The following DAG1 variants were observed in gnomAD, a reference collection of about 807,000 sequenced individuals.
DAG1 encodes the protein dystroglycan 1, also known as dystroglycan 1 (dystrophin-associated glycoprotein 1).
Under a neutral mutation model 46.1 loss-of-function variants are expected in DAG1, and 8 were observed. That is an observed-to-expected ratio of 0.17 (90% CI 0.10 to 0.31). The LOEUF (loss-of-function observed/expected upper bound fraction) is 0.31, where lower values mean the gene tolerates loss of function less well. Among genes scored for constraint, DAG1 ranks in the 10% least tolerant of loss-of-function variants. The pLI is 1.00. For synonymous variants in DAG1, 495 were observed against 481.8 expected, an observed-to-expected ratio of 1.03 and a Z score of -0.36; for missense variants, 1,003 against 1,189.9, an observed-to-expected ratio of 0.84 and a Z score of 2.31.
chr3:49,518,694 A>G (rs965508465), intron 2 of DAG1, among the ~76,000 whole-genome samples: 23 of 152,274 alleles, frequency 1.5e-4, no homozygotes, highest in African/African-American at 4.1e-4. Context: ...TGCTTAACCA[A>G]TGCTGTTCTC....
intron 1 of DAG1, among the ~76,000 whole-genome samples, chr3:49,508,906 A>G (rs2050687779): frequency 6.6e-6 from 1 of 151,966 alleles, no homozygotes; most frequent in African/African-American, 2.4e-5. Flanking sequence ...ACATGTATAC[A>G]TTTTTTTTCT....
chr3:49,474,624 G>A (rs1575332684), intron 1 of DAG1, among the ~76,000 whole-genome samples: 1 of 152,126 alleles, frequency 6.6e-6, no homozygotes, highest in East Asian at 1.9e-4. Context: ...AGGATTACAG[G>A]CACGAGCCAC....
At chr3:49,503,473 T>G (rs2050512710) in intron 1 of DAG1, among the ~76,000 whole-genome samples, 1 of 152,216 alleles carries the variant, frequency 6.6e-6, no homozygotes, top group South Asian at 2.1e-4. Context: ...TCACATGCAT[T>G]GAAAAAGCTT....
intron 2 of DAG1, 71 bp downstream of exon 2, chr3:49,510,890 T>C: frequency 6.3e-7 from 1 of 1,577,938 alleles, no homozygotes; most frequent in Non-Finnish European, 8.6e-7. Flanking sequence ...GGCTTTTCCT[T>C]TTCAAGTCTA....
Position 49,533,095 on chromosome 3 carries a change from C to T in DAG1, c.2584C>T (p.Pro862Ser). Residue 862 changes from proline to serine, a missense_variant, in exon 3 of 3, where the codon CCC (proline) becomes TCC (serine). Transcript: ENST00000308775. ...GCGGGATGAGGATCCCAATGCGCCT[C>T]CCTACCAGCCCCCACCGCCCTTCAC... ...PLRDEDPNAPPYQPPPPFTAP... is the reference protein window; with the variant it reads ...PLRDEDPNAPSYQPPPPFTAP... 1 of 1,614,134 alleles carries T rather than the reference C, an allele frequency of 6.2e-7. No individual in the cohort carries two copies. The highest frequency in any genetic ancestry group is 8.5e-7 in the Non-Finnish European group (1 of 1,180,016).
Position 49,524,720 on chromosome 3 carries a change from C to T in DAG1, c.286-6077C>T, listed in dbSNP as rs757832803. 5.9e-4 allele frequency among the ~76,000 whole-genome samples: 90 copies of T among 152,102 alleles called. 1 individual carries two copies. Among genetic ancestry groups the T allele is most frequent in the Non-Finnish European group, 4.6e-4 (31 of 68,020 alleles). ...TTTAAGGGCTGGGCATGGTGGCCCA[C>T]ACCTGTAATCCCAGGATTTTGGGAG... On this transcript the variant is annotated intron_variant, in intron 2 of 2. Transcript: ENST00000308775.
intron 1 of DAG1, among the ~76,000 whole-genome samples, chr3:49,473,894 T>C (rs1294079729): frequency 6.7e-6 from 1 of 150,014 alleles, no homozygotes; most frequent in Non-Finnish European, 1.5e-5. Context: ...TTTTTTTTTT[T>C]TTCTTCTGAG....
chr3:49,471,911 C>G (rs2049531494), intron 1 of DAG1, among the ~76,000 whole-genome samples: 2 of 152,094 alleles, frequency 1.3e-5, no homozygotes, highest in Admixed American at 6.6e-5. Context: ...ACATAGTAGC[C>G]TGAGGAGAGA....
In DAG1 at chr3:49,473,551, G is replaced by A. The variant is rs149012443; in HGVS notation, c.-117+3118G>A. 4.3e-3 allele frequency among the ~76,000 whole-genome samples: 655 copies of A among 152,172 alleles called. 7 individuals carry two copies. Among genetic ancestry groups the A allele is most frequent in the African/African-American group, 0.015 (624 of 41,536 alleles). ...ACAATGTGTGTTCATCCTTGTGGAG[G>A]CAGTTGAGAGCATATTTCATTTCTT... On this transcript the variant is annotated intron_variant, in intron 1 of 2. Transcript: ENST00000308775.
chr3:49,473,144 G>C (rs565594102), intron 1 of DAG1, among the ~76,000 whole-genome samples: 1 of 151,540 alleles, frequency 6.6e-6, no homozygotes, highest in Non-Finnish European at 1.5e-5. Flanking sequence ...GGCCAGGCGC[G>C]GTGGCTCACG....
intron 2 of DAG1, among the ~76,000 whole-genome samples, chr3:49,529,724 G>A (rs1327958799): frequency 6.6e-6 from 1 of 152,220 alleles, no homozygotes; most frequent in Non-Finnish European, 1.5e-5. Context: ...AGAATGGGGG[G>A]TGTCACTTTT....
chr3:49,514,375 C>G (rs183206748), intron 2 of DAG1, among the ~76,000 whole-genome samples: 18 of 152,314 alleles, frequency 1.2e-4, no homozygotes, highest in African/African-American at 4.1e-4. Context: ...GTGAAGTCCT[C>G]TACCGTTTTC....
At chr3:49,519,006 C>T (rs530515391) in intron 2 of DAG1, among the ~76,000 whole-genome samples, 1 of 152,286 alleles carries the variant, frequency 6.6e-6, no homozygotes, top group East Asian at 1.9e-4. Flanking sequence ...TGAGAGGACC[C>T]TTTCTCCTTA....
intron 2 of DAG1, among the ~76,000 whole-genome samples, chr3:49,529,391 G>A (rs920509345): frequency 2.0e-5 from 3 of 152,156 alleles, no homozygotes; most frequent in Non-Finnish European, 4.4e-5. Flanking sequence ...TTAAAGGGGG[G>A]AAATTATCTA....
intron 1 of DAG1, among the ~76,000 whole-genome samples, chr3:49,484,677 T>C (rs1478684376): frequency 1.3e-5 from 2 of 152,124 alleles, no homozygotes; most frequent in African/African-American, 4.8e-5. Flanking sequence ...TGGGGTCCAT[T>C]GTGGGCTGTA....
rs2051356230 is a variant in DAG1 at position 49,531,803 on chromosome 3, C to T, written c.1292C>T (p.Thr431Ile). 9.3e-6 allele frequency: 15 copies of T among 1,613,906 alleles called. No homozygotes were observed. Among genetic ancestry groups the T allele is most frequent in the Non-Finnish European group, 1.0e-5 (12 of 1,180,020 alleles). ...ACCACCAAGAAGCCACGAGTATCCACACCAAAACCAGCAACGCCTTCAACT... is the reference window on the plus strand; with the variant it reads ...ACCACCAAGAAGCCACGAGTATCCATACCAAAACCAGCAACGCCTTCAACT... ...TTTTKKPRVS[T>I]PKPATPSTDS... Residue 431 changes from threonine (T) to isoleucine (I), a missense_variant, in exon 3 of 3, where the codon ACA (threonine) becomes ATA (isoleucine). Thr to Ile is a moderately conservative substitution (Grantham distance 89, BLOSUM62 -1). This residue lies in a region of DAG1 where 755 missense variants were observed against 854.1 expected (regional missense o/e 0.88). Coordinates refer to ENST00000308775, the MANE Select transcript of DAG1 (RefSeq NM_004393.6). This position sits in a 1 kb window ranked among gnomAD's most constrained non-coding sequence, Gnocchi z 7.0.
At chr3:49,496,725 C>T (rs1269719495) in intron 1 of DAG1, among the ~76,000 whole-genome samples, 2 of 151,326 alleles carry the variant, frequency 1.3e-5, no homozygotes, top group Non-Finnish European at 2.9e-5. Context: ...CTCCCAAGTT[C>T]AAGCAGTTCT....
intron 2 of DAG1, among the ~76,000 whole-genome samples, chr3:49,523,844 A>G (rs1387754392): frequency 6.6e-6 from 1 of 152,168 alleles, no homozygotes. Context: ...GATTTTACAG[A>G]TGACACTGGG....
chr3:49,472,151 G>C (rs1559542713), intron 1 of DAG1, among the ~76,000 whole-genome samples: 1 of 152,152 alleles, frequency 6.6e-6, no homozygotes. Context: ...ACCCAGACCT[G>C]TGTTTAGAAA....
Sources: gnomAD v4.1 joint callset for allele counts (sites outside exome capture counted in the v4.1 genomes callset) on GRCh38, gnomAD v4.1.1 for gene constraint, gnomAD v4.1.1 regional missense constraint, Gnocchi (gnomAD v3.1) non-coding constraint, MANE v1.5 for transcripts, NCBI Gene and HGNC (gene_info 2026-07-23, HGNC 2026-07-21) for gene names.